Variants in XIRP2 observed in about 807,000 individuals in gnomAD.
The protein encoded by XIRP2 is xin actin-binding repeat-containing protein 2.
A neutral mutation model predicts 277.0 loss-of-function variants in XIRP2; 236 were observed. The ratio of observed to expected loss-of-function variants is 0.85; its 90% confidence interval spans 0.77 to 0.95. The LOEUF (loss-of-function observed/expected upper bound fraction) is 0.95, where lower values mean the gene tolerates loss of function less well. Ranked by LOEUF, XIRP2 falls within the 40% of genes least tolerant of loss-of-function variation. The probability of loss-of-function intolerance (pLI) is 0.00; values close to 1 mark genes in which losing one functional copy is unlikely to be tolerated. For missense variants in XIRP2, 4,640 were observed against 4,157.5 expected (o/e 1.12, Z -3.19); for synonymous variants, 1,490 against 1,416.5 (o/e 1.05, Z -1.17).
At chr2:167,142,696 A>T (rs1691755151) in intron 3 of XIRP2, among the ~76,000 whole-genome samples, 1 of 152,228 alleles carries the variant, frequency 6.6e-6, no homozygotes, top group Non-Finnish European at 1.5e-5. Flanking sequence ...GACTCCATGT[A>T]TCTATTCAGG....
intron 2 of XIRP2, among the ~76,000 whole-genome samples, chr2:167,029,506 G>A (rs759436580): frequency 8.6e-5 from 13 of 152,010 alleles, no homozygotes; most frequent in East Asian, 1.9e-4. Context: ...GATGGAATAC[G>A]TTTATAGATT....
chr2:167,068,073 T>C (rs1337432748), intron 2 of XIRP2, among the ~76,000 whole-genome samples: 1 of 152,224 alleles, frequency 6.6e-6, no homozygotes. Context: ...TCTGTATGTC[T>C]TAAACAATTT....
chr2:167,194,646 A>T (rs1274113573), intron 3 of XIRP2, among the ~76,000 whole-genome samples: 1 of 152,136 alleles, frequency 6.6e-6, no homozygotes, highest in Admixed American at 6.6e-5. Flanking sequence ...ATTAGAAAAC[A>T]CTGTCAGGTT....
chr2:167,206,529 C>G (rs1248310774), intron 3 of XIRP2, among the ~76,000 whole-genome samples: 1 of 152,172 alleles, frequency 6.6e-6, no homozygotes, highest in Non-Finnish European at 1.5e-5. Context: ...GGCCAAGTCT[C>G]TGCTAAAAAT....
Position 167,244,204 on chromosome 2 carries a change from G to C in XIRP2, c.2812G>C (p.Glu938Gln), listed in dbSNP as rs1695171490. 6.2e-7 allele frequency: 1 copy of C among 1,613,482 alleles called. No individual in the cohort carries two copies. The highest frequency in any genetic ancestry group is 2.2e-5 in the East Asian group (1 of 44,816). The change falls in exon 9 of 11, where the codon GAA (glutamate) becomes CAA (glutamine). Residue 938 changes from glutamate to glutamine, a missense_variant. By Grantham distance (29) the Glu-to-Gln change is conservative. Transcript: ENST00000409195. ...KKEYTRTVKL[E>Q]EVDRGDVKNY... is the part of the protein sequence containing the mutation. ...GGAGTACACACGAACAGTGAAACTTGAAGAAGTTGACAGAGGAGATGTGAA... is the reference window on the plus strand; with the variant it reads ...GGAGTACACACGAACAGTGAAACTTCAAGAAGTTGACAGAGGAGATGTGAA...
At position 167,033,398 on chromosome 2, in the gene XIRP2, A is replaced by G. The variant is rs555783244; in HGVS notation, c.409-102511A>G. Among the ~76,000 whole-genome samples the G allele has an allele frequency of 6.6e-5, 10 of 152,246 alleles. No homozygotes were observed. The South Asian group carries it at 1.9e-3, about 28-fold the overall frequency. ...GCACGTGTATACCTGTGAAATAAACATGCATGTTCTGCACGTGTATCCCAG... is the reference window on the plus strand; with the variant it reads ...GCACGTGTATACCTGTGAAATAAACGTGCATGTTCTGCACGTGTATCCCAG... On this transcript the variant is annotated intron_variant, in intron 2 of 10. Transcript: ENST00000409195.
chr2:167,132,213 AC>A (rs1691397663), intron 2 of XIRP2, among the ~76,000 whole-genome samples: 2 of 152,048 alleles, frequency 1.3e-5, no homozygotes, highest in South Asian at 2.1e-4. Context: ...TTCTACTCTA[AC>A]CCAGTCTGGA....
chr2:167,254,304 A>C, intron 10 of XIRP2, 139 bp downstream of exon 10: 19 of 1,045,868 alleles, frequency 1.8e-5, no homozygotes, highest in South Asian at 3.5e-5. Flanking sequence ...AGATTTGCTC[A>C]TGTTCTGTGA....
At chr2:167,117,512 C>T (rs1330694656) in intron 2 of XIRP2, among the ~76,000 whole-genome samples, 1 of 152,210 alleles carries the variant, frequency 6.6e-6, no homozygotes, top group Non-Finnish European at 1.5e-5. Context: ...AAGCAAGCCT[C>T]AGTCACCAGT....
chr2:167,246,038 G>A lies in XIRP2; in HGVS notation c.4646G>A (p.Gly1549Asp). Residue 1549 changes from glycine (G) to aspartate (D), a missense_variant, in exon 9 of 11, where the codon GGC becomes GAC. Transcript: ENST00000409195. ...ETRVEKIEII[G>D]KSIKETLEDL... ...AGAGTAGAAAAGATAGAAATTATTG[G>A]CAAGAGCATTAAAGAAACCTTAGAA... 6.2e-7 allele frequency: 1 copy of A among 1,613,384 alleles called. No homozygotes were observed.
intron 4 of XIRP2, among the ~76,000 whole-genome samples, chr2:167,215,780 A>T (rs1175569104): frequency 6.6e-6 from 1 of 152,136 alleles, no homozygotes; most frequent in Non-Finnish European, 1.5e-5. Context: ...CTTGAGAATT[A>T]TCCCATCTGG....
At chr2:167,009,916 GT>G (rs36018884) in intron 2 of XIRP2, among the ~76,000 whole-genome samples, 4 of 151,796 alleles carry the variant, frequency 2.6e-5, no homozygotes, top group African/African-American at 9.7e-5. Flanking sequence ...GGGGTTCTTT[GT>G]TTTTTTCTTG....
chr2:166,959,376 C>T (rs1431113162), intron 2 of XIRP2, among the ~76,000 whole-genome samples: 1 of 151,828 alleles, frequency 6.6e-6, no homozygotes, highest in Non-Finnish European at 1.5e-5. Context: ...CTTTACTATG[C>T]AGTTCTGCAG....
At chr2:167,173,912 T>C (rs1436628191) in intron 3 of XIRP2, among the ~76,000 whole-genome samples, 1 of 152,110 alleles carries the variant, frequency 6.6e-6, no homozygotes, top group Non-Finnish European at 1.5e-5. Context: ...TTTGATATGG[T>C]TTGGCTGTGT....
intron 2 of XIRP2, among the ~76,000 whole-genome samples, chr2:166,932,111 T>A (rs2105369389): frequency 6.6e-6 from 1 of 152,328 alleles, no homozygotes; most frequent in East Asian, 1.9e-4. Flanking sequence ...TTGGTTTTTG[T>A]ATTTTTCTGG....
chr2:167,194,384 C>T (rs1234204872), intron 3 of XIRP2, among the ~76,000 whole-genome samples: 1 of 152,122 alleles, frequency 6.6e-6, no homozygotes, highest in African/African-American at 2.4e-5. Flanking sequence ...CCTGGCCCAT[C>T]TTTACATTTT....
In XIRP2 at chr2:167,052,639, C is replaced by T. The variant is rs559908178; in HGVS notation, c.409-83270C>T. 2.3e-3 allele frequency among the ~76,000 whole-genome samples: 346 copies of T among 152,192 alleles called. 1 individual carries two copies. The highest frequency in any genetic ancestry group is 7.9e-3 in the African/African-American group (330 of 41,532). The stretch of plus-strand genomic sequence containing the variant: ...TGATGATTTATTTACTTAAGGATAG[C>T]AGGTCCAGATAGATTATAATAAATT... On this transcript the variant is annotated intron_variant, in intron 2 of 10. Coordinates refer to ENST00000409195, the MANE Select transcript of XIRP2 (RefSeq NM_152381.6).
chr2:167,242,526 A>G (rs1695102334), intron 8 of XIRP2, 43 bp from the exon 9 acceptor site: 1 of 1,562,012 alleles, frequency 6.4e-7, no homozygotes, highest in Non-Finnish European at 8.7e-7. Context: ...AGCCTCTGCC[A>G]CTACACTCAC....
chr2:166,948,136 G>A (rs1223340995), intron 2 of XIRP2, among the ~76,000 whole-genome samples: 1 of 152,012 alleles, frequency 6.6e-6, no homozygotes, highest in Non-Finnish European at 1.5e-5. Context: ...GTATAACGGT[G>A]GATTCATGTC....
Sources: allele counts gnomAD v4.1 joint callset (sites outside exome capture counted in the v4.1 genomes callset), GRCh38; gene constraint gnomAD v4.1.1; transcripts MANE v1.5; gene names NCBI Gene and HGNC (gene_info 2026-07-23, HGNC 2026-07-21).